ZNF490: variants seen among roughly 807,000 people sequenced by gnomAD.
ZNF490 encodes the protein zinc finger protein 490.
In ZNF490, 11 loss-of-function variants were observed where a neutral mutation model predicts 17.7. That is an observed-to-expected ratio of 0.62 (90% CI 0.39 to 1.03). The LOEUF is 1.03. ZNF490 is among the 50% of genes least tolerant of loss of function. The pLI, the probability that ZNF490 is intolerant of heterozygous loss-of-function variation, is 0.00. For synonymous variants in ZNF490, 222 were observed against 216.1 expected (o/e 1.03, Z -0.24); for missense variants, 542 against 643.4 (o/e 0.84, Z 1.71).
intron 3 of ZNF490, among the ~76,000 whole-genome samples, 198 bp downstream of exon 3, chr19:12,583,232 G>C (rs1418291123): frequency 1.3e-5 from 2 of 151,874 alleles, no homozygotes; most frequent in African/African-American, 2.4e-5. Context: ...GTAGAGACAG[G>C]GTTTCACCAT....
intron 1 of ZNF490, chr19:12,609,995 A>C (rs1325673562): frequency 2.3e-6 from 1 of 444,316 alleles, no homozygotes; most frequent in African/African-American, 2.0e-5. Flanking sequence ...AAAAATAAAA[A>C]TGAAAAGCAA....
At chr19:12,606,958 C>G (rs1272687891) in intron 2 of ZNF490, among the ~76,000 whole-genome samples, 1 of 152,066 alleles carries the variant, frequency 6.6e-6, no homozygotes, top group Admixed American at 6.6e-5. Context: ...ATTTGATTAG[C>G]CCCACCCAAT....
At chr19:12,581,820 A>C in intron 4 of ZNF490, 96 bp from the exon 5 acceptor site, 2 of 1,158,712 alleles carry the variant, frequency 1.7e-6, no homozygotes, top group South Asian at 3.2e-5. Context: ...ATTTTCACAG[A>C]AACTGTATGT....
chr19:12,609,084 C>CAT, intron 2 of ZNF490, 74 bp downstream of exon 2: 1 of 1,465,498 alleles, frequency 6.8e-7, no homozygotes, highest in Non-Finnish European at 9.5e-7. Context: ...ACAAAGAGGT[C>CAT]ATAGAAGGAC....
At position 12,610,579 on chromosome 19, in the gene ZNF490, C is replaced by A. The variant is rs1252421713; in HGVS notation, c.102G>T (p.Gly34=). 6.2e-7 allele frequency: 1 copy of A among 1,613,604 alleles called. No homozygotes were observed. The highest frequency in any genetic ancestry group is 2.2e-5 in the East Asian group (1 of 44,884). The change falls in exon 1 of 5, where the codon GGG becomes GGT. Residue 34 remains glycine, a synonymous_variant. Coordinates refer to ENST00000311437, the MANE Select transcript of ZNF490 (RefSeq NM_020714.3). ...SSSQGRTGTG[G]SDVLQMQNSE... ...CCCCTGGTACCTGGAGGACATCAGA[C>A]CCTCCTGTTCCTGTGCGGCCTTGAC... is the stretch of plus-strand genomic sequence containing the variant.
At position 12,583,490 on chromosome 19, in the gene ZNF490, C is replaced by T. The variant is rs746096259; in HGVS notation, c.229G>A (p.Gly77Ser). 20 of 1,606,968 alleles carry T rather than the reference C, an allele frequency of 1.2e-5. No individual in the cohort carries two copies. The highest frequency in any genetic ancestry group is 1.5e-5 in the Non-Finnish European group (18 of 1,175,540). ...TLEEWALLDP[G>S]QRNIYRDVMR... ...ACATCTCTGTAGATATTCCTCTGGCCAGGATCCAGCAAAGCCCACTCCTCC... is the reference window on the plus strand; with the variant it reads ...ACATCTCTGTAGATATTCCTCTGGCTAGGATCCAGCAAAGCCCACTCCTCC... The change falls in exon 3 of 5, where the codon GGC becomes AGC. Residue 77 changes from glycine (G) to serine (S), a missense_variant. Physicochemically the swap from Gly to Ser is moderately conservative, Grantham distance 56. Coordinates refer to ENST00000311437, the MANE Select transcript of ZNF490 (RefSeq NM_020714.3).
intron 2 of ZNF490, among the ~76,000 whole-genome samples, chr19:12,601,291 G>A (rs1252045077): frequency 6.6e-6 from 1 of 151,904 alleles, no homozygotes; most frequent in Non-Finnish European, 1.5e-5. Context: ...GGGAGGCTGA[G>A]GCAGGAGAAT....
chr19:12,580,487 A>G lies in ZNF490; in HGVS notation c.1588T>C (p.Ter530GlnextTer6), dbSNP rs1185965338. 6.3e-7 allele frequency: 1 copy of G among 1,579,828 alleles called. No individual in the cohort carries two copies. The highest frequency in any genetic ancestry group is 1.2e-5 in the South Asian group (1 of 85,988). ...CAGCATTACCACACTTTACTTTCTT[A>G]GGGCTTCTGTCTACTATGAGTCCTT... ...HERTHSRQKP[*>Q] Residue 530 changes from the stop codon to glutamine, a stop_lost, in exon 5 of 5, where the codon TAA (stop) becomes CAA (glutamine). Coordinates refer to ENST00000311437, the MANE Select transcript of ZNF490 (RefSeq NM_020714.3).
chr19:12,594,428 T>C (rs145245948), intron 2 of ZNF490, among the ~76,000 whole-genome samples: 9 of 149,514 alleles, frequency 6.0e-5, no homozygotes, highest in African/African-American at 2.2e-4. Flanking sequence ...ATTTTGCTAC[T>C]GCACTCCAAC....
chr19:12,607,011 G>C (rs1054915222), intron 2 of ZNF490, among the ~76,000 whole-genome samples: 3 of 151,960 alleles, frequency 2.0e-5, no homozygotes, highest in African/African-American at 7.3e-5. Flanking sequence ...AGTATGGAGA[G>C]CACAAAGTCT....
rs2022679363 is a variant in ZNF490 at position 12,578,840 on chromosome 19, C to T, written c.*1645G>A. The T allele has an allele frequency of 4.1e-6, 4 of 985,392 alleles. No individual in the cohort carries two copies. Among genetic ancestry groups the T allele is most frequent in the South Asian group, 4.7e-5 (1 of 21,292 alleles). The allele number at this position is 985,392 out of a possible 1,614,324, so 61.0% of individuals were successfully genotyped here. ...TGCTGGGGCCCAAGTCCTTCTTCCC[C>T]ATTCCTTTAATTCTTCCTACGAAGA... On this transcript the variant is annotated 3_prime_UTR_variant, in exon 5 of 5. Transcript: ENST00000311437.
intron 2 of ZNF490, among the ~76,000 whole-genome samples, chr19:12,598,986 CAA>C (rs961842896): frequency 2.4e-5 from 3 of 127,268 alleles, no homozygotes; most frequent in African/African-American, 2.9e-5. Flanking sequence ...GACTCCATCT[CAA>C]AAAAAAAAAA....
At chr19:12,609,500 C>G (rs971746742) in intron 1 of ZNF490, among the ~76,000 whole-genome samples, 11 of 151,954 alleles carry the variant, frequency 7.2e-5, no homozygotes, top group African/African-American at 2.7e-4. Flanking sequence ...GATCCTTCTG[C>G]CTCAGCCTCC....
chr19:12,597,989 G>A (rs1007179382), intron 2 of ZNF490, among the ~76,000 whole-genome samples: 1 of 152,180 alleles, frequency 6.6e-6, no homozygotes, highest in Non-Finnish European at 1.5e-5. Flanking sequence ...ACTTTGGGAG[G>A]CCGAGGCGGG....
intron 2 of ZNF490, among the ~76,000 whole-genome samples, chr19:12,600,019 CGTAAATATGTCTATAAAATTGG>C (rs954535961): frequency 2.0e-5 from 3 of 152,078 alleles, no homozygotes; most frequent in Non-Finnish European, 4.4e-5. Context: ...CAAACATTGG[CGTAAATATGTCTATAAAATTGG>C]GTAAATATGT....
chr19:12,588,500 G>C (rs1247402245), intron 2 of ZNF490, among the ~76,000 whole-genome samples: 1 of 152,084 alleles, frequency 6.6e-6, no homozygotes, highest in Non-Finnish European at 1.5e-5. Flanking sequence ...ACTGCAGGAA[G>C]AAATACATGA....
intron 3 of ZNF490, 81 bp from the exon 4 acceptor site, chr19:12,582,991 T>C: frequency 1.7e-6 from 2 of 1,183,158 alleles, no homozygotes; most frequent in Non-Finnish European, 2.4e-6. Flanking sequence ...CATGATTAGC[T>C]ATTGATTAGC....
rs746915572 is a variant in ZNF490 at position 12,581,531 on chromosome 19, T to C, written c.544A>G (p.Lys182Glu). ...CCATATTCGTGACACTCATTTGGTTTCTGTTCAGTGTGAGATCTCATGTGC... is the reference window on the plus strand; with the variant it reads ...CCATATTCGTGACACTCATTTGGTTCCTGTTCAGTGTGAGATCTCATGTGC... ...NRHMRSHTEQ[K>E]PNECHEYGEK... Residue 182 changes from lysine (K) to glutamate (E), a missense_variant, in exon 5 of 5, where the codon AAA becomes GAA. By Grantham distance (56) the Lys-to-Glu change is moderately conservative. Coordinates refer to ENST00000311437, the MANE Select transcript of ZNF490 (RefSeq NM_020714.3). 1 of 1,614,194 alleles carries C rather than the reference T, an allele frequency of 6.2e-7. No homozygotes were observed. Among genetic ancestry groups the C allele is most frequent in the Middle Eastern group, 1.6e-4 (1 of 6,062 alleles).
At chr19:12,588,232 C>T (rs2022825211) in intron 2 of ZNF490, among the ~76,000 whole-genome samples, 1 of 152,106 alleles carries the variant, frequency 6.6e-6, no homozygotes, top group South Asian at 2.1e-4. Flanking sequence ...CTCCCGACCT[C>T]GTGATGTGCC....
Sources: gnomAD v4.1 joint callset for allele counts (sites outside exome capture counted in the v4.1 genomes callset) on GRCh38, gnomAD v4.1.1 for gene constraint, MANE v1.5 for transcripts, NCBI Gene and HGNC (gene_info 2026-07-23, HGNC 2026-07-21) for gene names.